PLEKHA7: variants seen among roughly 807,000 people sequenced by gnomAD.
PLEKHA7 encodes the protein pleckstrin homology domain-containing family A member 7.
PLEKHA7 carries 104 observed loss-of-function variants against 170.0 expected under a neutral mutation model. The ratio of observed to expected loss-of-function variants is 0.61; its 90% confidence interval spans 0.52 to 0.72. The LOEUF is 0.72. PLEKHA7 is among the 30% of genes least tolerant of loss of function. PLEKHA7 has a pLI of 0.00. For synonymous variants in PLEKHA7, 648 were observed against 660.8 expected (o/e 0.98, Z 0.30); for missense variants, 1,615 against 1,671.7 (o/e 0.97, Z 0.59).
intron 17 of PLEKHA7, among the ~76,000 whole-genome samples, chr11:16,799,016 T>C (rs543990843): frequency 6.6e-6 from 1 of 152,358 alleles, no homozygotes; most frequent in South Asian, 2.1e-4. Flanking sequence ...CCAATACACC[T>C]TTCTGAGATG....
chr11:16,816,888 C>T lies in PLEKHA7; in HGVS notation c.1778G>A (p.Arg593Gln). The change falls in exon 11 of 27, where the codon CGA (arginine) becomes CAA (glutamine). Residue 593 changes from arginine to glutamine, a missense_variant. Physicochemically the swap from Arg to Gln is conservative, Grantham distance 43. Transcript: ENST00000531066. Reference sequence around the variant, plus strand: ...CTGGTCCGGTGGCTTCACTGTGACTCGCTCTGCTGGTGTGTGTGGCCGCCG... The same window carrying T: ...CTGGTCCGGTGGCTTCACTGTGACTTGCTCTGCTGGTGTGTGTGGCCGCCG... Reference protein sequence around the residue: ...PPRRPHTPAERVTVKPPDQRR... With the variant: ...PPRRPHTPAEQVTVKPPDQRR... 2.0e-5 allele frequency: 32 copies of T among 1,614,122 alleles called. No individual in the cohort carries two copies. The highest frequency in any genetic ancestry group is 3.3e-5 in the South Asian group (3 of 91,080).
chr11:16,787,716 T>G (rs1373960877), intron 23 of PLEKHA7: 1 of 152,210 alleles, frequency 6.6e-6, no homozygotes, highest in African/African-American at 2.4e-5. Flanking sequence ...CAAGTCTTCT[T>G]TTTTAAGAGA....
intron 3 of PLEKHA7, among the ~76,000 whole-genome samples, chr11:16,997,587 G>T (rs1414486510): frequency 2.0e-5 from 3 of 152,162 alleles, no homozygotes; most frequent in Non-Finnish European, 4.4e-5. Flanking sequence ...AGGCAAGATA[G>T]CAAGACCCCA....
chr11:16,858,094 C>T (rs1853619246), intron 4 of PLEKHA7, among the ~76,000 whole-genome samples: 1 of 152,150 alleles, frequency 6.6e-6, no homozygotes, highest in Non-Finnish European at 1.5e-5. Context: ...TTGAGAAATA[C>T]AAGAAAAAAC....
At chr11:16,979,060 C>T (rs143831434) in intron 3 of PLEKHA7, among the ~76,000 whole-genome samples, 44 of 152,262 alleles carry the variant, frequency 2.9e-4, no homozygotes, top group South Asian at 4.2e-4. Flanking sequence ...GTTTTTGAGA[C>T]GCAGTCTTGT....
intron 3 of PLEKHA7, among the ~76,000 whole-genome samples, chr11:16,919,146 G>A (rs1381711295): frequency 7.9e-5 from 12 of 152,146 alleles, no homozygotes; most frequent in Admixed American, 5.2e-4. Flanking sequence ...CCTGGGAGGC[G>A]GAGGTTGCAG....
rs1853312631 is a variant in PLEKHA7 at position 16,854,993 on chromosome 11, T to C, written c.418A>G (p.Ile140Val). The change falls in exon 6 of 27, where the codon ATC (isoleucine) becomes GTC (valine). Residue 140 changes from isoleucine to valine, a missense_variant and splice_region_variant. Transcript: ENST00000531066. ...STLEAKPGPK[I>V]IKSSSKVHSF... ...TGGACTTTACTGCTGGACTTTATGA[T>C]CTATGAAAAAGCAGACTGAACTTTA... is the stretch of plus-strand genomic sequence containing the variant. The C allele has an allele frequency of 1.9e-6, 3 of 1,613,570 alleles. No individual in the cohort carries two copies. Among genetic ancestry groups the C allele is most frequent in the Non-Finnish European group, 2.5e-6 (3 of 1,179,570 alleles).
intron 13 of PLEKHA7, among the ~76,000 whole-genome samples, chr11:16,809,238 GA>G (rs1849193557): frequency 6.6e-6 from 1 of 152,170 alleles, no homozygotes; most frequent in Non-Finnish European, 1.5e-5. Flanking sequence ...CTCACTTCAG[GA>G]AGGTAAAGCT....
At chr11:16,964,367 T>C (rs981392424) in intron 3 of PLEKHA7, among the ~76,000 whole-genome samples, 2 of 152,174 alleles carry the variant, frequency 1.3e-5, no homozygotes, top group African/African-American at 4.8e-5. Context: ...GGTAATGCTA[T>C]TTAGATTTTT....
intron 3 of PLEKHA7, among the ~76,000 whole-genome samples, chr11:16,993,646 G>A (rs2136974226): frequency 2.0e-5 from 3 of 152,236 alleles, no homozygotes; most frequent in Middle Eastern, 6.8e-3. Flanking sequence ...CAGCTGCAAT[G>A]GTCTCAAATG....
At chr11:16,861,209 C>T (rs1853917255) in intron 4 of PLEKHA7, among the ~76,000 whole-genome samples, 1 of 152,034 alleles carries the variant, frequency 6.6e-6, no homozygotes, top group South Asian at 2.1e-4. Flanking sequence ...CCCATTCTTT[C>T]CCCAGGAGAA....
At chr11:16,885,437 T>C (rs1341386305) in intron 3 of PLEKHA7, among the ~76,000 whole-genome samples, 1 of 151,692 alleles carries the variant, frequency 6.6e-6, no homozygotes, top group Non-Finnish European at 1.5e-5. Context: ...GGTGGGCGGA[T>C]CACTTGAGGT....
intron 3 of PLEKHA7, among the ~76,000 whole-genome samples, chr11:16,939,393 G>A (rs2136391883): frequency 6.6e-6 from 1 of 152,024 alleles, no homozygotes; most frequent in Non-Finnish European, 1.5e-5. Flanking sequence ...CAGCCTGGGT[G>A]ACACAGCAAG....
intron 4 of PLEKHA7, among the ~76,000 whole-genome samples, chr11:16,856,794 T>C (rs1001907492): frequency 4.9e-4 from 75 of 152,210 alleles, no homozygotes; most frequent in Non-Finnish European, 8.1e-4. Flanking sequence ...GGATGCCTGA[T>C]GCCAAGACCC....
At chr11:16,990,557 T>C (rs1863986537) in intron 3 of PLEKHA7, among the ~76,000 whole-genome samples, 1 of 152,190 alleles carries the variant, frequency 6.6e-6, no homozygotes, top group Admixed American at 6.5e-5. Flanking sequence ...TTCCCATCGA[T>C]TCAGAGCCTT....
chr11:16,972,962 TAGAA>T (rs1862818517), intron 3 of PLEKHA7, among the ~76,000 whole-genome samples: 1 of 152,208 alleles, frequency 6.6e-6, no homozygotes, highest in Non-Finnish European at 1.5e-5. Context: ...GATGGTTTTA[TAGAA>T]AGAAAGTGGA....
At chr11:16,964,507 T>G (rs1411793579) in intron 3 of PLEKHA7, among the ~76,000 whole-genome samples, 1 of 152,186 alleles carries the variant, frequency 6.6e-6, no homozygotes, top group Admixed American at 6.5e-5. Flanking sequence ...AAACAGCCTT[T>G]CCCTCATACC....
At chr11:16,854,176 A>T (rs2135448844) in intron 6 of PLEKHA7, among the ~76,000 whole-genome samples, 1 of 152,356 alleles carries the variant, frequency 6.6e-6, no homozygotes, top group South Asian at 2.1e-4. Flanking sequence ...AGAGCAAAAG[A>T]GACAGGGTCT....
chr11:16,975,057 T>C, intron 3 of PLEKHA7: 1 of 764,352 alleles, frequency 1.3e-6, no homozygotes, highest in Non-Finnish European at 1.8e-6. Context: ...CAGGTTTTTA[T>C]ATATACTATG....
Sources: gnomAD v4.1 joint callset for allele counts (sites outside exome capture counted in the v4.1 genomes callset) on GRCh38, gnomAD v4.1.1 for gene constraint, MANE v1.5 for transcripts, NCBI Gene and HGNC (gene_info 2026-07-23, HGNC 2026-07-21) for gene names.